PDE8A: variants seen among roughly 807,000 people sequenced by gnomAD.
PDE8A encodes high affinity cAMP-specific and IBMX-insensitive 3',5'-cyclic phosphodiesterase 8A.
In PDE8A, 59 loss-of-function variants were observed where a neutral mutation model predicts 105.0. The ratio of observed to expected loss-of-function variants is 0.56; its 90% CI spans 0.46 to 0.70. The LOEUF (loss-of-function observed/expected upper bound fraction) is 0.70, where lower values mean the gene tolerates loss of function less well. Among genes scored for constraint, PDE8A ranks in the 30% least tolerant of loss-of-function variants. The pLI, the probability that PDE8A is intolerant of heterozygous loss-of-function variation, is 0.00. For synonymous variants in PDE8A, 355 were observed against 371.9 expected (o/e 0.95, Z 0.52); for missense variants, 1,014 against 1,045.9 (o/e 0.97, Z 0.42).
intron 1 of PDE8A, among the ~76,000 whole-genome samples, chr15:85,008,822 G>C (rs2080191506): frequency 6.6e-6 from 1 of 152,072 alleles, no homozygotes; most frequent in South Asian, 2.1e-4. Context: ...ACCTCGCTAA[G>C]GCATAGTCTG....
rs770744045 is a variant in PDE8A, at chr15:85,113,420, C to T, written c.1158C>T (p.Ser386=). Residue 386 remains serine, a synonymous_variant, in exon 13 of 22, where the codon TCC becomes TCT. Transcript: ENST00000394553. ...RRHSSMARIH[S]MTIEAPITKV... ...ACTCTTCCATGGCCCGGATACATTCCATGACAATTGAGGCGCCCATCACCA... is the reference window on the plus strand; with the variant it reads ...ACTCTTCCATGGCCCGGATACATTCTATGACAATTGAGGCGCCCATCACCA... 1 of 1,614,148 alleles carries T rather than the reference C, an allele frequency of 6.2e-7. No homozygotes were observed.
Position 85,100,179 on chromosome 15 carries a change from TCA to T in PDE8A, c.1018_1019del (p.Gln340ValfsTer2). The T allele has an allele frequency of 6.2e-7, 1 of 1,613,812 alleles. No homozygotes were observed. Among genetic ancestry groups the T allele is most frequent in the Non-Finnish European group, 8.5e-7 (1 of 1,179,654 alleles). The stretch of plus-strand genomic sequence containing the variant: ...AGGCTGAGAAAATATCCGAATGTGT[TCA>T]GTCTGACACTCATACAGGTACGGTG... ...NKAEKISECV[Q>X]SDTHTDNQTG... On this transcript the variant is annotated frameshift_variant, in exon 11 of 22. Transcript: ENST00000394553. LOFTEE classifies it high-confidence loss of function.
At chr15:85,131,872 A>T (rs111767517) in intron 20 of PDE8A, among the ~76,000 whole-genome samples, 3 of 152,152 alleles carry the variant, frequency 2.0e-5, no homozygotes, top group African/African-American at 7.2e-5. Flanking sequence ...CAGAATTTTC[A>T]GTTGACAGTT....
chr15:85,091,254 C>G, intron 8 of PDE8A, 73 bp downstream of exon 8: 2 of 1,299,994 alleles, frequency 1.5e-6, no homozygotes, highest in Middle Eastern at 1.9e-4. Flanking sequence ...TCATTGAGTA[C>G]TACCAGGTAA....
intron 11 of PDE8A, among the ~76,000 whole-genome samples, chr15:85,108,212 C>G (rs901595549): frequency 2.0e-5 from 3 of 152,140 alleles, no homozygotes; most frequent in African/African-American, 7.2e-5. Flanking sequence ...TTCGATGGTG[C>G]AAAGGAAGTG....
chr15:85,014,722 C>T (rs1191571744), intron 1 of PDE8A, among the ~76,000 whole-genome samples: 1 of 152,080 alleles, frequency 6.6e-6, no homozygotes, highest in Non-Finnish European at 1.5e-5. Flanking sequence ...CACAGCATAT[C>T]CTTGGGATCA....
At chr15:85,067,972 A>T (rs564721131) in intron 3 of PDE8A, among the ~76,000 whole-genome samples, 2 of 152,070 alleles carry the variant, frequency 1.3e-5, no homozygotes, top group East Asian at 3.9e-4. Flanking sequence ...AGTGCCTGAA[A>T]TGTGCCTGTG....
intron 1 of PDE8A, among the ~76,000 whole-genome samples, chr15:85,004,495 C>A (rs1394266553): frequency 2.0e-5 from 3 of 152,162 alleles, no homozygotes; most frequent in Admixed American, 1.3e-4. Flanking sequence ...GAATTGCAAA[C>A]CCGTATTGTG....
intron 11 of PDE8A, among the ~76,000 whole-genome samples, chr15:85,102,100 CTT>C (rs1465143150): frequency 5.9e-5 from 9 of 152,030 alleles, no homozygotes. Flanking sequence ...GGAATGGAAA[CTT>C]TGAGATTACA....
Position 84,982,236 on chromosome 15 carries a change from C to A in PDE8A, c.74C>A (p.Pro25Gln), listed in dbSNP as rs1367799753. 1.4e-6 allele frequency: 2 copies of A among 1,467,928 alleles called. No homozygotes were observed. Among genetic ancestry groups the A allele is most frequent in the East Asian group, 3.0e-5 (1 of 33,640 alleles). 90.9% of individuals were successfully genotyped at this position (1,467,928 alleles called of 1,614,324 possible). A position where few individuals can be genotyped will look rare whatever the true frequency, so the allele number is the denominator to read the frequency against. ...AEDAPSPAAP[P>Q]LSSGGPRLPQ... Reference sequence around the variant, plus strand: ...GACGCGCCTAGCCCCGCGGCACCGCCGCTGTCGTCCGGCGGGCCGCGCCTC... The same window carrying A: ...GACGCGCCTAGCCCCGCGGCACCGCAGCTGTCGTCCGGCGGGCCGCGCCTC... Residue 25 changes from proline (P) to glutamine (Q), a missense_variant, in exon 1 of 22, where the codon CCG (proline) becomes CAG (glutamine). Physicochemically the swap from Pro to Gln is moderately conservative, Grantham distance 76 (BLOSUM62 -1). Coordinates refer to ENST00000394553, the MANE Select transcript of PDE8A (RefSeq NM_002605.3).
In PDE8A at chr15:85,138,022, C is replaced by T; in HGVS notation, c.*119C>T. 6 of 624,572 alleles carry T rather than the reference C, an allele frequency of 9.6e-6. No individual in the cohort carries two copies. The highest frequency in any genetic ancestry group is 1.7e-5 in the Non-Finnish European group (6 of 347,028). The allele number at this position is 624,572 out of a possible 1,614,324, so 38.7% of individuals were successfully genotyped here. ...GCAGAACAGCCCCCGATCTGCATAGCCTGTGAAAGCCCACGGGGACATCAG... is the reference window on the plus strand; with the variant it reads ...GCAGAACAGCCCCCGATCTGCATAGTCTGTGAAAGCCCACGGGGACATCAG... On this transcript the variant is annotated 3_prime_UTR_variant, in exon 22 of 22. Coordinates refer to ENST00000394553, the MANE Select transcript of PDE8A (RefSeq NM_002605.3).
chr15:85,080,539 G>A (rs2081447567), intron 5 of PDE8A, among the ~76,000 whole-genome samples: 1 of 152,154 alleles, frequency 6.6e-6, no homozygotes, highest in African/African-American at 2.4e-5. Context: ...AGCCGCATGA[G>A]GTCATTAAGG....
chr15:85,032,631 G>T (rs969010132), intron 1 of PDE8A, among the ~76,000 whole-genome samples: 4 of 152,054 alleles, frequency 2.6e-5, no homozygotes, highest in Non-Finnish European at 4.4e-5. Flanking sequence ...ACATTTCAGT[G>T]TCTTATGATA....
At position 85,138,379 on chromosome 15, in the gene PDE8A, T is replaced by TTGAG. The variant is rs141836850; in HGVS notation, c.*478_*481dup. 6.5e-6 allele frequency: 1 copy of TTGAG among 152,926 alleles called. No homozygotes were observed. The highest frequency in any genetic ancestry group is 2.4e-5 in the African/African-American group (1 of 41,520). 9.5% of individuals were successfully genotyped at this position (152,926 alleles called of 1,614,324 possible). A position where few individuals can be genotyped will look rare whatever the true frequency, so the allele number is the denominator to read the frequency against. ...ACTGAGAGTGACTTCTCTTTTAAAATTGAGTAGCAGATGAAAAATTAAAAT... is the reference window on the plus strand; with the variant it reads ...ACTGAGAGTGACTTCTCTTTTAAAATTGAGTGAGTAGCAGATGAAAAATTAAAAT... On this transcript the variant is annotated 3_prime_UTR_variant, in exon 22 of 22. Coordinates refer to ENST00000394553, the MANE Select transcript of PDE8A (RefSeq NM_002605.3).
At chr15:85,109,810 T>G (rs558996832) in intron 12 of PDE8A, among the ~76,000 whole-genome samples, 1 of 152,310 alleles carries the variant, frequency 6.6e-6, no homozygotes, top group East Asian at 1.9e-4. Context: ...CCTCACAGAT[T>G]TGTGGTAAGG....
intron 6 of PDE8A, among the ~76,000 whole-genome samples, chr15:85,085,558 C>T (rs2081538367): frequency 6.6e-6 from 1 of 151,060 alleles, no homozygotes; most frequent in Non-Finnish European, 1.5e-5. Flanking sequence ...ATTAGCCGGG[C>T]ATGGTGGTGA....
At chr15:85,135,808 G>GAA (rs984456790) in intron 20 of PDE8A, among the ~76,000 whole-genome samples, 29 of 152,040 alleles carry the variant, frequency 1.9e-4, no homozygotes, top group African/African-American at 7.0e-4. Flanking sequence ...GAGTCTCTCT[G>GAA]AAATCCTGAA....
intron 1 of PDE8A, among the ~76,000 whole-genome samples, chr15:84,993,644 A>G (rs1027833862): frequency 6.6e-6 from 1 of 151,786 alleles, no homozygotes; most frequent in Non-Finnish European, 1.5e-5. Context: ...TTTTGGGAGG[A>G]CAAGATGGGA....
chr15:85,031,987 A>G (rs2080623667), intron 1 of PDE8A, among the ~76,000 whole-genome samples: 2 of 152,220 alleles, frequency 1.3e-5, no homozygotes, highest in Admixed American at 6.5e-5. Context: ...GGCACACACC[A>G]GTGCTTTGTC....
Sources: allele counts gnomAD v4.1 joint callset (sites outside exome capture counted in the v4.1 genomes callset), GRCh38; gene constraint gnomAD v4.1.1; transcripts MANE v1.5; gene names NCBI Gene and HGNC (gene_info 2026-07-23, HGNC 2026-07-21).